BCL6: variants seen among roughly 807,000 people sequenced by gnomAD.
BCL6 encodes the protein BCL6 transcription repressor, also known as B-cell lymphoma 6 protein.
Under a neutral mutation model 59.5 loss-of-function variants are expected in BCL6, and 7 were observed. The observed-to-expected ratio is 0.12, with a 90% CI of 0.07 to 0.22. The LOEUF (loss-of-function observed/expected upper bound fraction) is 0.22. Ranked by LOEUF, BCL6 falls within the 10% of genes least tolerant of loss-of-function variation. The pLI is 1.00. For missense variants in BCL6, 685 were observed against 939.4 expected (o/e 0.73, Z 3.54); for synonymous variants, 339 against 349.7 (o/e 0.97, Z 0.34).
At position 187,722,728 on chromosome 3, in the gene BCL6, G is replaced by A. The variant is rs1017998704; in HGVS notation, c.1978-127C>T. 2.3e-5 allele frequency: 28 copies of A among 1,210,380 alleles called. No homozygotes were observed. The African/African-American group carries it at 3.7e-4, about 16-fold the overall frequency. 75.0% of individuals were successfully genotyped at this position (1,210,380 alleles called of 1,614,324 possible). ...GCAGCTCTTGCCTCTCCAAGGCCAGGTGAAGAACCCATATGCATCCGGGCT... is the reference window on the plus strand; with the variant it reads ...GCAGCTCTTGCCTCTCCAAGGCCAGATGAAGAACCCATATGCATCCGGGCT... On this transcript the variant is annotated intron_variant, in intron 9 of 9. Transcript: ENST00000406870.
At chr3:187,732,319 C>A in intron 3 of BCL6, 1 of 401,456 alleles carries the variant, frequency 2.5e-6, no homozygotes, top group Non-Finnish European at 4.9e-6. Flanking sequence ...ATAAGCATTC[C>A]TTCTTGTTCC....
At chr3:187,734,243 A>G (rs1487042948) in intron 2 of BCL6, among the ~76,000 whole-genome samples, 2 of 152,156 alleles carry the variant, frequency 1.3e-5, no homozygotes, top group African/African-American at 4.8e-5. Flanking sequence ...GTGTTTCACT[A>G]TGTTGGCCAG....
intron 1 of BCL6, among the ~76,000 whole-genome samples, chr3:187,744,491 C>G (rs1711784078): frequency 6.6e-6 from 1 of 151,934 alleles, no homozygotes; most frequent in African/African-American, 2.4e-5. Flanking sequence ...CAGGGAACAC[C>G]AAAACACTCG....
intron 1 of BCL6, among the ~76,000 whole-genome samples, chr3:187,744,133 A>T (rs1349164983): frequency 1.3e-5 from 2 of 152,276 alleles, no homozygotes; most frequent in African/African-American, 2.4e-5. Flanking sequence ...GGGAAAAAAT[A>T]AAATAAAATT....
intron 1 of BCL6, among the ~76,000 whole-genome samples, chr3:187,744,225 T>G (rs2108483110): frequency 6.6e-6 from 1 of 152,132 alleles, no homozygotes; most frequent in African/African-American, 2.4e-5. Context: ...CGGCCAGAAA[T>G]CCCGCCACCT....
At position 187,722,480 on chromosome 3, in the gene BCL6, G is replaced by A. The variant is rs760088914; in HGVS notation, c.2099C>T (p.Pro700Leu). The change falls in exon 10 of 10, where the codon CCG becomes CTG. Residue 700 changes from proline to leucine, a missense_variant. Coordinates refer to ENST00000406870, the MANE Select transcript of BCL6 (RefSeq NM_001706.5). ...GCTTCAGCAGGCTTTGGGGAGCTCC[G>A]GAGGCAGGTCAGTGGCTGACACGCG... is the stretch of plus-strand genomic sequence containing the variant. ...QYRVSATDLP[P>L]ELPKAC The A allele has an allele frequency of 9.9e-6, 16 of 1,613,134 alleles. No individual in the cohort carries two copies. The highest frequency in any genetic ancestry group is 3.3e-5 in the South Asian group (3 of 90,992).
chr3:187,728,424 G>A lies in BCL6; in HGVS notation c.1476C>T (p.Thr492=), dbSNP rs192739702. ...TCTCCTCAGGGAACGTGGGGCCAGCGGTGTGGAGGCACATCTCTGCATGCT... is the reference window on the plus strand; with the variant it reads ...TCTCCTCAGGGAACGTGGGGCCAGCAGTGTGGAGGCACATCTCTGCATGCT... ...SPQHAEMCLH[T]AGPTFPEEMG... is the part of the protein sequence containing the mutation. The change falls in exon 6 of 10, where the codon ACC becomes ACT. Residue 492 remains threonine (T), a synonymous_variant. Transcript: ENST00000406870. The A allele has an allele frequency of 1.2e-4, 195 of 1,612,308 alleles. 2 individuals carry two copies. In the Admixed American group the frequency reaches 1.5e-3, roughly 12 times the overall value.
At chr3:187,733,405 C>A in intron 3 of BCL6, 128 bp downstream of exon 3, 1 of 1,110,316 alleles carries the variant, frequency 9.0e-7, no homozygotes. Flanking sequence ...CGCCATGGTG[C>A]TGAGATCTGG....
In BCL6 at chr3:187,729,576, C is replaced by T; in HGVS notation, c.829G>A (p.Val277Met). The change falls in exon 5 of 10, where the codon GTG becomes ATG. Residue 277 changes from valine to methionine, a missense_variant. Val to Met is a conservative substitution (Grantham distance 21). Around this residue, in one of 7 missense-constraint regions of BCL6, gnomAD observed 268 missense variants for 263.8 expected, o/e 1.02. Transcript: ENST00000406870. The surrounding 1 kb of genome is among the most constrained non-coding windows in gnomAD (Gnocchi z 5.6). ...GCAGCAGGTTTGAGGCCCTCAGCCACACTGTAGTGCATATCACTTCGTGCC... is the reference window on the plus strand; with the variant it reads ...GCAGCAGGTTTGAGGCCCTCAGCCATACTGTAGTGCATATCACTTCGTGCC... ...EEARSDMHYS[V>M]AEGLKPAAPS... 6.2e-7 allele frequency: 1 copy of T among 1,614,142 alleles called. No individual in the cohort carries two copies. The highest frequency in any genetic ancestry group is 8.5e-7 in the Non-Finnish European group (1 of 1,180,036).
intron 1 of BCL6, among the ~76,000 whole-genome samples, chr3:187,744,437 A>C (rs541764293): frequency 1.3e-5 from 2 of 152,208 alleles, no homozygotes; most frequent in South Asian, 2.1e-4. Context: ...ATAATTTTCA[A>C]AGTGTTCAAC....
chr3:187,745,313 A>C (rs575362109), intron 1 of BCL6, 97 bp downstream of exon 1: 2 of 400,112 alleles, frequency 5.0e-6, no homozygotes, highest in African/African-American at 2.1e-5. Context: ...AAGGTAAAAT[A>C]ATGATCATGA....
At chr3:187,743,721 CT>C in intron 1 of BCL6, among the ~76,000 whole-genome samples, 1 of 150,408 alleles carries the variant, frequency 6.6e-6, no homozygotes, top group African/African-American at 2.5e-5. Flanking sequence ...CTAGCTCCTG[CT>C]GCCCCCCCGC....
Position 187,731,681 on chromosome 3 carries a change from C to T in BCL6, c.383+28G>A, listed in dbSNP as rs2272148. 9,457 of 1,607,248 alleles carry T rather than the reference C, an allele frequency of 5.9e-3. 46 individuals are homozygous for T. Among genetic ancestry groups the T allele is most frequent in the East Asian group, 0.016 (718 of 44,816 alleles). ...GATCGGGGACTATCTCTTCCATCTC[C>T]GACGCTTCCACCCGGGTAGCAACTC... On this transcript the variant is annotated intron_variant, in intron 4 of 9. Coordinates refer to ENST00000406870, the MANE Select transcript of BCL6 (RefSeq NM_001706.5).
chr3:187,725,794 T>C lies in BCL6; in HGVS notation c.1709-165A>G, dbSNP rs1192966904. On this transcript the variant is annotated intron_variant, in intron 7 of 9. Coordinates refer to ENST00000406870, the MANE Select transcript of BCL6 (RefSeq NM_001706.5). The surrounding 1 kb of genome is among the most constrained non-coding windows in gnomAD (Gnocchi z 4.7). ...GAGAATCCAGGGGCCTGCCCCCACA[T>C]CTGTCAGCCCTCTCTCACACACGCA... is the stretch of plus-strand genomic sequence containing the variant. 1.3e-5 allele frequency among the ~76,000 whole-genome samples: 2 copies of C among 152,142 alleles called. No homozygotes were observed. The highest frequency in any genetic ancestry group is 2.9e-5 in the Non-Finnish European group (2 of 68,008).
chr3:187,738,211 C>T (rs1719381474), intron 1 of BCL6, among the ~76,000 whole-genome samples: 1 of 152,108 alleles, frequency 6.6e-6, no homozygotes, highest in African/African-American at 2.4e-5. Context: ...TGTCCGATTC[C>T]GAAGTTTATT....
chr3:187,744,891 A>T (rs568969620), intron 1 of BCL6, among the ~76,000 whole-genome samples: 1 of 152,272 alleles, frequency 6.6e-6, no homozygotes, highest in African/African-American at 2.4e-5. Context: ...AGCCGTACGC[A>T]AGCAGCAGCA....
At position 187,729,884 on chromosome 3, in the gene BCL6, C is replaced by A; in HGVS notation, c.521G>T (p.Gly174Val). 6.2e-7 allele frequency: 1 copy of A among 1,614,110 alleles called. No homozygotes were observed. The change falls in exon 5 of 10, where the codon GGG becomes GTG. Residue 174 changes from glycine to valine, a missense_variant. Gly to Val is a moderately radical substitution (Grantham distance 109, BLOSUM62 -3). Transcript: ENST00000406870. This position sits in a 1 kb window ranked among gnomAD's most constrained non-coding sequence, Gnocchi z 5.6. Reference sequence around the variant, plus strand: ...GGGGGCAAAGGCTCTGCTCTCACACCCAGGGGCGCTCCTCAGTGGCAGGTT... The same window carrying A: ...GGGGGCAAAGGCTCTGCTCTCACACACAGGGGCGCTCCTCAGTGGCAGGTT... ...ENNLPLRSAP[G>V]CESRAFAPSL...
chr3:187,742,653 C>T (rs1447653501), intron 1 of BCL6, among the ~76,000 whole-genome samples: 1 of 135,414 alleles, frequency 7.4e-6, no homozygotes, highest in Non-Finnish European at 1.6e-5. Context: ...CTTGGGGTGG[C>T]GGGCGGGGCG....
chr3:187,721,823 T>A lies in BCL6; in HGVS notation c.*635A>T, dbSNP rs115678349. 5,158 of 228,448 alleles carry A rather than the reference T, an allele frequency of 0.023. 72 individuals are homozygous for A. The highest frequency in any genetic ancestry group is 0.04 in the Middle Eastern group (30 of 756). 14.2% of individuals were successfully genotyped at this position (228,448 alleles called of 1,614,324 possible). On this transcript the variant is annotated 3_prime_UTR_variant, in exon 10 of 10. Coordinates refer to ENST00000406870, the MANE Select transcript of BCL6 (RefSeq NM_001706.5). This position sits in a 1 kb window ranked among gnomAD's most constrained non-coding sequence, Gnocchi z 4.2. ...TATTTTCTTACTTATACAGATGCAA[T>A]ACTTAAAATATTCTCTTAAGTGCTC...
Sources: allele counts gnomAD v4.1 joint callset (sites outside exome capture counted in the v4.1 genomes callset), GRCh38; gene constraint gnomAD v4.1.1; regional missense constraint gnomAD v4.1.1; non-coding constraint Gnocchi (gnomAD v3.1); transcripts MANE v1.5; gene names NCBI Gene and HGNC (gene_info 2026-07-23, HGNC 2026-07-21).